Variants in HM13 observed in about 807,000 individuals in gnomAD.
HM13 encodes signal peptide peptidase.
Under a neutral mutation model 50.0 loss-of-function variants are expected in HM13, and 18 were observed. The observed-to-expected ratio is 0.36, with a 90% confidence interval of 0.25 to 0.53. The LOEUF is 0.53. Among genes scored for constraint, HM13 ranks in the 20% least tolerant of loss-of-function variants. The pLI is 0.90. For missense variants in HM13, 393 were observed against 552.4 expected (o/e 0.71, Z 2.89); for synonymous variants, 197 against 232.6 (o/e 0.85, Z 1.39).
intron 1 of HM13, among the ~76,000 whole-genome samples, chr20:31,519,952 A>G (rs913309554): frequency 2.0e-5 from 3 of 151,246 alleles, no homozygotes; most frequent in Admixed American, 6.6e-5. Context: ...GGTTCAAGCA[A>G]TTCTCCCACC....
chr20:31,530,674 G>T (rs1396260557), intron 2 of HM13, among the ~76,000 whole-genome samples: 1 of 152,112 alleles, frequency 6.6e-6, no homozygotes, highest in African/African-American at 2.4e-5. Context: ...CTCCCAAAGT[G>T]CTGGGATTAC....
chr20:31,550,802 C>T (rs1458157174), intron 7 of HM13, among the ~76,000 whole-genome samples: 1 of 152,048 alleles, frequency 6.6e-6, no homozygotes, highest in Non-Finnish European at 1.5e-5. Flanking sequence ...ACAGCAAGAC[C>T]CTATCTCTAC....
intron 4 of HM13, chr20:31,547,281 A>C (rs1983777061): frequency 4.2e-6 from 1 of 238,926 alleles, no homozygotes; most frequent in Non-Finnish European, 8.1e-6. Context: ...AGTCGAAGGA[A>C]CAGCGGGCCA....
At chr20:31,538,501 G>T (rs1327282907) in intron 3 of HM13, 9 of 1,401,416 alleles carry the variant, frequency 6.4e-6, no homozygotes, top group Non-Finnish European at 8.3e-6. Flanking sequence ...CACCACAGCT[G>T]TTGGGAAAGT....
At chr20:31,522,457 G>T (rs563259880) in intron 1 of HM13, among the ~76,000 whole-genome samples, 59 of 151,948 alleles carry the variant, frequency 3.9e-4, no homozygotes, top group African/African-American at 1.4e-3. Context: ...AGCTACTCAG[G>T]AGGCCGAGGC....
chr20:31,565,773 A>C (rs192076307), intron 10 of HM13, among the ~76,000 whole-genome samples: 3 of 152,250 alleles, frequency 2.0e-5, no homozygotes, highest in Non-Finnish European at 4.4e-5. Flanking sequence ...GGTCACCTTA[A>C]TACAGGCTGC....
At chr20:31,567,880 A>G (rs1022680413) in intron 11 of HM13, 198 bp from the exon 12 acceptor site, 1 of 563,484 alleles carries the variant, frequency 1.8e-6, no homozygotes, top group Non-Finnish European at 3.1e-6. Flanking sequence ...CAGTGGCCTG[A>G]TGTGCCTTTG....
chr20:31,514,698 C>T lies in HM13; in HGVS notation c.147C>T (p.Phe49=), dbSNP rs1261296158. The stretch of plus-strand genomic sequence containing the variant: ...TCATGGCGCTGCTGCCCATCTTCTT[C>T]GGCGCCCTGCGCTCCGTACGCTGCG... ...LLLMALLPIF[F]GALRSVRCAR... The change falls in exon 1 of 13, where the codon TTC becomes TTT. Residue 49 remains phenylalanine (F), a synonymous_variant. Coordinates refer to ENST00000398174, the MANE Select transcript of HM13 (RefSeq NM_178581.3). This position sits in a 1 kb window ranked among gnomAD's most constrained non-coding sequence, Gnocchi z 4.3. The T allele has an allele frequency of 6.5e-7, 1 of 1,549,540 alleles. No individual in the cohort carries two copies.
Position 31,549,080 on chromosome 20 carries a change from G to C in HM13, c.506G>C (p.Ser169Thr), listed in dbSNP as rs749909671. Residue 169 changes from serine (S) to threonine (T), a missense_variant, in exon 5 of 13, where the codon AGC becomes ACC. Ser to Thr is a moderately conservative substitution (Grantham distance 58). Transcript: ENST00000398174. Reference protein sequence around the residue: ...DTKDLVCLGLSSIVGVWYLLR... With the variant: ...DTKDLVCLGLTSIVGVWYLLR... Reference sequence around the variant, plus strand: ...AAGGACCTGGTGTGCCTGGGCCTGAGCAGCATCGTTGGCGTCTGGTACCTG... The same window carrying C: ...AAGGACCTGGTGTGCCTGGGCCTGACCAGCATCGTTGGCGTCTGGTACCTG... The C allele has an allele frequency of 2.5e-6, 4 of 1,614,042 alleles. No individual in the cohort carries two copies. In the African/African-American group the frequency reaches 5.3e-5, roughly 22 times the overall value.
At chr20:31,546,140 C>A (rs371673996) in intron 4 of HM13, among the ~76,000 whole-genome samples, 1 of 151,368 alleles carries the variant, frequency 6.6e-6, no homozygotes, top group East Asian at 1.9e-4. Context: ...AGCTCCACCC[C>A]CTGGGTTCAC....
In HM13 at chr20:31,569,122, A is replaced by ATGAGGAGTCAAATCC; in HGVS notation, c.1186_1200dup (p.Glu396_Pro400dup). ...GTTGTTTTTTTTTTTTTGGTCAGTT[A>ATGAGGAGTCAAATCC]TGAGGAGTCAAATCCTAAGGATCCA... On this transcript the variant is annotated inframe_insertion, in exon 13 of 13. Transcript: ENST00000398174. 6.6e-7 allele frequency: 1 copy of ATGAGGAGTCAAATCC among 1,520,312 alleles called. No homozygotes were observed. The highest frequency in any genetic ancestry group is 8.9e-7 in the Non-Finnish European group (1 of 1,123,620). 94.2% of individuals were successfully genotyped at this position (1,520,312 alleles called of 1,614,324 possible).
intron 10 of HM13, among the ~76,000 whole-genome samples, chr20:31,562,095 C>T (rs1174726171): frequency 6.6e-6 from 1 of 152,170 alleles, no homozygotes; most frequent in African/African-American, 2.4e-5. Flanking sequence ...GGCTTCTCAG[C>T]CTTGGTAGTG....
chr20:31,514,768 C>T lies in HM13; in HGVS notation c.183+34C>T. Reference sequence around the variant, plus strand: ...AGCGGGAAAACCGGGCACTTTCCACCCCCATACCGAACACGGCCGACATGG... The same window carrying T: ...AGCGGGAAAACCGGGCACTTTCCACTCCCATACCGAACACGGCCGACATGG... On this transcript the variant is annotated intron_variant, in intron 1 of 12. Transcript: ENST00000398174. The surrounding 1 kb of genome is among the most constrained non-coding windows in gnomAD (Gnocchi z 4.3). 6.7e-7 allele frequency: 1 copy of T among 1,484,396 alleles called. No homozygotes were observed. The highest frequency in any genetic ancestry group is 8.9e-7 in the Non-Finnish European group (1 of 1,118,776). 92.0% of individuals were successfully genotyped at this position (1,484,396 alleles called of 1,614,324 possible). A position where few individuals can be genotyped will look rare whatever the true frequency, so the allele number is the denominator to read the frequency against.
intron 2 of HM13, among the ~76,000 whole-genome samples, chr20:31,534,554 C>CG (rs1157035186): frequency 6.6e-6 from 1 of 151,976 alleles, no homozygotes; most frequent in East Asian, 2.0e-4. Context: ...GAGGCCAAGG[C>CG]AGCAGATCGT....
intron 2 of HM13, among the ~76,000 whole-genome samples, chr20:31,536,472 G>C (rs563109276): frequency 2.2e-4 from 33 of 152,084 alleles, no homozygotes; most frequent in African/African-American, 8.0e-4. Context: ...CCTGCTCCCT[G>C]CTTCCACTCT....
At chr20:31,563,022 TCTGC>T (rs1984703548) in intron 10 of HM13, 1 of 152,260 alleles carries the variant, frequency 6.6e-6, no homozygotes, top group African/African-American at 2.4e-5. Context: ...AGCCTCACCC[TCTGC>T]CTGGCTGGAC....
At chr20:31,537,064 A>G (rs1983158777) in intron 2 of HM13, among the ~76,000 whole-genome samples, 1 of 152,210 alleles carries the variant, frequency 6.6e-6, no homozygotes, top group Non-Finnish European at 1.5e-5. Flanking sequence ...TGTCTCATAG[A>G]AACTATGTGA....
intron 1 of HM13, among the ~76,000 whole-genome samples, chr20:31,518,828 A>G (rs1981966318): frequency 6.6e-6 from 1 of 152,008 alleles, no homozygotes; most frequent in African/African-American, 2.4e-5. Flanking sequence ...ACTGGGCAAC[A>G]GTGAGACCCT....
intron 10 of HM13, chr20:31,563,037 T>A (rs1984704602): frequency 6.6e-6 from 1 of 152,292 alleles, no homozygotes; most frequent in Non-Finnish European, 1.5e-5. Flanking sequence ...CTGGCTGGAC[T>A]GAGAAGAGGC....
Sources: gnomAD v4.1 joint callset for allele counts (sites outside exome capture counted in the v4.1 genomes callset) on GRCh38, gnomAD v4.1.1 for gene constraint, Gnocchi (gnomAD v3.1) non-coding constraint, MANE v1.5 for transcripts, NCBI Gene and HGNC (gene_info 2026-07-23, HGNC 2026-07-21) for gene names.